The following GLCE variants were observed in gnomAD, a reference collection of about 807,000 sequenced individuals.
The protein encoded by GLCE is glucuronic acid epimerase.
A neutral mutation model predicts 47.9 loss-of-function variants in GLCE; 19 were observed. The ratio of observed to expected loss-of-function variants is 0.40; its 90% CI spans 0.28 to 0.58. The LOEUF (loss-of-function observed/expected upper bound fraction) is 0.58. Among genes scored for constraint, GLCE ranks in the 20% least tolerant of loss-of-function variants. The pLI, the probability that GLCE is intolerant of heterozygous loss-of-function variation, is 0.48. For missense variants in GLCE, 556 were observed against 743.3 expected, an observed-to-expected ratio of 0.75 and a Z score of 2.93; for synonymous variants, 245 against 263.4, an observed-to-expected ratio of 0.93 and a Z score of 0.68.
intron 1 of GLCE, among the ~76,000 whole-genome samples, chr15:69,175,343 T>C (rs2051647375): frequency 2.0e-5 from 3 of 152,182 alleles, no homozygotes; most frequent in African/African-American, 7.2e-5. Flanking sequence ...AATGTCTTTG[T>C]CATTAGCCCT....
intron 3 of GLCE, among the ~76,000 whole-genome samples, chr15:69,257,582 C>G (rs1291691273): frequency 6.6e-6 from 1 of 152,158 alleles, no homozygotes; most frequent in Non-Finnish European, 1.5e-5. Flanking sequence ...TGGACTCAAG[C>G]AGTCCTTCCA....
intron 2 of GLCE, among the ~76,000 whole-genome samples, chr15:69,238,976 G>A (rs1566965309): frequency 2.6e-5 from 4 of 152,178 alleles, no homozygotes; most frequent in Non-Finnish European, 5.9e-5. Flanking sequence ...ATAGTAAAGG[G>A]CGACATGGGG....
At chr15:69,252,446 G>C (rs1353912562) in intron 2 of GLCE, among the ~76,000 whole-genome samples, 3 of 152,204 alleles carry the variant, frequency 2.0e-5, no homozygotes, top group Non-Finnish European at 2.9e-5. Context: ...TAAGCAATCA[G>C]ATCTCACGCA....
At chr15:69,166,776 C>T (rs555437362) in intron 1 of GLCE, among the ~76,000 whole-genome samples, 6 of 150,836 alleles carry the variant, frequency 4.0e-5, no homozygotes, top group South Asian at 2.1e-4. Context: ...AAAAATTAGC[C>T]GGGCGTGGTG....
intron 2 of GLCE, among the ~76,000 whole-genome samples, chr15:69,221,478 A>G (rs1024666622): frequency 1.2e-4 from 19 of 152,184 alleles, no homozygotes; most frequent in Non-Finnish European, 1.5e-5. Context: ...ATTTCTAAGT[A>G]TATTATTCTT....
chr15:69,269,292 A>G lies in GLCE; in HGVS notation c.*48A>G. On this transcript the variant is annotated 3_prime_UTR_variant, in exon 5 of 5. Coordinates refer to ENST00000261858, the MANE Select transcript of GLCE (RefSeq NM_015554.3). ...TCAGCCTCTGCTGTACACAGAAACT[A>G]CAGGCTCTGTCTCAGGAGAGCATAG... The G allele has an allele frequency of 1.4e-6, 2 of 1,451,770 alleles. No homozygotes were observed. The highest frequency in any genetic ancestry group is 1.9e-6 in the Non-Finnish European group (2 of 1,041,668). 89.9% of individuals were successfully genotyped at this position (1,451,770 alleles called of 1,614,324 possible).
intron 2 of GLCE, among the ~76,000 whole-genome samples, chr15:69,229,897 A>G (rs2052498813): frequency 6.6e-6 from 1 of 152,172 alleles, no homozygotes; most frequent in African/African-American, 2.4e-5. Context: ...CACATTGAAT[A>G]TAAAAACACA....
intron 1 of GLCE, among the ~76,000 whole-genome samples, chr15:69,173,603 A>C (rs539405043): frequency 3.3e-5 from 5 of 151,814 alleles, no homozygotes; most frequent in African/African-American, 1.2e-4. Context: ...ATTTGAATGG[A>C]GTAAACATTC....
At chr15:69,240,925 A>C (rs2052662739) in intron 2 of GLCE, among the ~76,000 whole-genome samples, 1 of 152,186 alleles carries the variant, frequency 6.6e-6, no homozygotes, top group South Asian at 2.1e-4. Flanking sequence ...TGGGATAAAA[A>C]CTTTTCTGAG....
Position 69,249,997 on chromosome 15 carries a change from A to G in GLCE, c.-13-5797A>G, listed in dbSNP as rs548525291. ...TTTTCTGTTTTAGATCTCCAGCGTT[A>G]TAAGACCTGATTTTTATTGGATTAT... On this transcript the variant is annotated intron_variant, in intron 2 of 4. Coordinates refer to ENST00000261858, the MANE Select transcript of GLCE (RefSeq NM_015554.3). Among the ~76,000 whole-genome samples the G allele has an allele frequency of 2.0e-5, 3 of 152,340 alleles. No individual in the cohort carries two copies. In the East Asian group the frequency reaches 5.8e-4, roughly 29 times the overall value.
chr15:69,163,573 G>A (rs1257003921), intron 1 of GLCE, among the ~76,000 whole-genome samples: 3 of 152,166 alleles, frequency 2.0e-5, no homozygotes, highest in Non-Finnish European at 2.9e-5. Context: ...AGTTTTAGGT[G>A]TTAAATGTAT....
rs1394050033 is a variant in GLCE at position 69,269,226 on chromosome 15, C to T, written c.1836C>T (p.Ser612=). The T allele has an allele frequency of 1.9e-6, 3 of 1,613,758 alleles. No individual in the cohort carries two copies. Among genetic ancestry groups the T allele is most frequent in the Non-Finnish European group, 2.5e-6 (3 of 1,179,732 alleles). The part of the protein sequence containing the change: ...VKRWKSYLKG[S]RAKHN Reference sequence around the variant, plus strand: ...GGTGGAAAAGCTACCTTAAAGGCAGCAGGGCAAAGCACAACTAGAGCTCAC... The same window carrying T: ...GGTGGAAAAGCTACCTTAAAGGCAGTAGGGCAAAGCACAACTAGAGCTCAC... The change falls in exon 5 of 5, where the codon AGC becomes AGT. Residue 612 remains serine, a synonymous_variant. Coordinates refer to ENST00000261858, the MANE Select transcript of GLCE (RefSeq NM_015554.3).
At chr15:69,166,542 T>C (rs968780877) in intron 1 of GLCE, among the ~76,000 whole-genome samples, 1 of 152,144 alleles carries the variant, frequency 6.6e-6, no homozygotes, top group Non-Finnish European at 1.5e-5. Context: ...GCAAGAGTGG[T>C]GGAATGGGGT....
At chr15:69,262,196 A>G (rs980654556) in intron 4 of GLCE, among the ~76,000 whole-genome samples, 3 of 152,228 alleles carry the variant, frequency 2.0e-5, no homozygotes, top group Non-Finnish European at 4.4e-5. Flanking sequence ...AAACCTACTC[A>G]TTCTAGATAG....
chr15:69,242,114 A>G (rs774134304), intron 2 of GLCE, among the ~76,000 whole-genome samples: 5 of 151,784 alleles, frequency 3.3e-5, no homozygotes, highest in Non-Finnish European at 7.4e-5. Context: ...AAGGAAATCC[A>G]TAGCTACAAG....
chr15:69,186,073 G>A (rs2051818343), intron 1 of GLCE, among the ~76,000 whole-genome samples: 1 of 152,162 alleles, frequency 6.6e-6, no homozygotes, highest in African/African-American at 2.4e-5. Flanking sequence ...GGGAAGGGGT[G>A]CGGAGCTTTC....
At chr15:69,268,174 G>A (rs753478297) in intron 4 of GLCE, 46 bp from the exon 5 acceptor site, 2 of 1,226,362 alleles carry the variant, frequency 1.6e-6, no homozygotes, top group Non-Finnish European at 2.3e-6. Context: ...AAATACAAAA[G>A]TGCTTTTATT....
At chr15:69,254,465 A>G (rs1330596516) in intron 2 of GLCE, among the ~76,000 whole-genome samples, 1 of 152,178 alleles carries the variant, frequency 6.6e-6, no homozygotes, top group Non-Finnish European at 1.5e-5. Flanking sequence ...TTGAGGGTGG[A>G]GTAGTAGGGT....
chr15:69,269,336 T>C lies in GLCE; in HGVS notation c.*92T>C, dbSNP rs2053133032. ...AGCATAGGCACATTTTAAAAGGTTA[T>C]GTACTAGGTTTTTGTGGATTCTATC... On this transcript the variant is annotated 3_prime_UTR_variant, in exon 5 of 5. Transcript: ENST00000261858. 2 of 993,478 alleles carry C rather than the reference T, an allele frequency of 2.0e-6. No individual in the cohort carries two copies. Among genetic ancestry groups the C allele is most frequent in the Non-Finnish European group, 3.0e-6 (2 of 664,564 alleles). The allele number at this position is 993,478 out of a possible 1,614,324, so 61.5% of individuals were successfully genotyped here.
Sources: gnomAD v4.1 joint callset for allele counts (sites outside exome capture counted in the v4.1 genomes callset) on GRCh38, gnomAD v4.1.1 for gene constraint, MANE v1.5 for transcripts, NCBI Gene and HGNC (gene_info 2026-07-23, HGNC 2026-07-21) for gene names.